Variants in MIB1 observed in about 807,000 individuals in gnomAD.
The protein encoded by MIB1 is E3 ubiquitin-protein ligase MIB1.
MIB1 carries 278 observed loss-of-function variants against 124.5 expected under a neutral mutation model. The ratio of observed to expected loss-of-function variants is 2.23; its 90% CI spans 2.02 to 2.47. The LOEUF is 2.47. Among genes scored for constraint, MIB1 ranks in the 30% most tolerant of loss-of-function variants. MIB1 has a pLI of 0.00. For missense variants in MIB1, 957 were observed against 1,254.4 expected (o/e 0.76, Z 3.58); for synonymous variants, 446 against 429.4 (o/e 1.04, Z -0.48).
At chr18:21,823,605 TAAGAG>T (rs902128354) in intron 12 of MIB1, among the ~76,000 whole-genome samples, 1 of 152,098 alleles carries the variant, frequency 6.6e-6, no homozygotes, top group African/African-American at 2.4e-5. Context: ...TGAAACACAT[TAAGAG>T]AAAAGAGTTA....
intron 10 of MIB1, chr18:21,812,537 T>C (rs1214298350): frequency 5.3e-5 from 8 of 152,028 alleles, no homozygotes; most frequent in Admixed American, 2.0e-4. Context: ...TGAGCATAAA[T>C]TGAGGAGTAA....
chr18:21,779,555 A>T lies in MIB1; in HGVS notation c.778A>T (p.Ile260Phe). 6.2e-7 allele frequency: 1 copy of T among 1,614,086 alleles called. No homozygotes were observed. Among genetic ancestry groups the T allele is most frequent in the Non-Finnish European group, 8.5e-7 (1 of 1,180,000 alleles). Residue 260 changes from isoleucine to phenylalanine, a missense_variant, in exon 6 of 21, where the codon ATT becomes TTT. Coordinates refer to ENST00000261537, the MANE Select transcript of MIB1 (RefSeq NM_020774.4). Reference protein sequence around the residue: ...DLVNIDLDLEIVQSLQHGHGG... With the variant: ...DLVNIDLDLEFVQSLQHGHGG... ...GGTAAATATAGATCTCGACCTCGAA[A>T]TTGTACAGTCTTTGCAGCATGGTCA...
chr18:21,747,303 A>G (rs774957711), intron 1 of MIB1, among the ~76,000 whole-genome samples: 4 of 152,226 alleles, frequency 2.6e-5, no homozygotes, highest in Admixed American at 1.3e-4. Context: ...GAGGACTTCA[A>G]GAAATCAACT....
intron 1 of MIB1, among the ~76,000 whole-genome samples, chr18:21,753,387 C>T (rs991174908): frequency 4.6e-5 from 7 of 152,002 alleles, no homozygotes; most frequent in African/African-American, 1.7e-4. Flanking sequence ...GGGGTTTCAC[C>T]ATGTTGGCCA....
At chr18:21,739,080 T>C (rs1051353440), upstream of MIB1, among the ~76,000 whole-genome samples, 58 of 151,416 alleles carry the variant, frequency 3.8e-4, no homozygotes, top group African/African-American at 1.3e-3. Flanking sequence ...ATCAAATAGA[T>C]GCAATAAAAA....
At position 21,849,200 on chromosome 18, in the gene MIB1, C is replaced by A; in HGVS notation, c.2398C>A (p.Gln800Lys). ...AKCHKEKVSG[Q>K]VGSRSPSMIS... ...TGAAATACTTTCTTTTATTAGTGGT[C>A]AAGTGGGTTCTCGGAGTCCTTCTAT... Residue 800 changes from glutamine to lysine, a missense_variant, in exon 17 of 21, where the codon CAA (glutamine) becomes AAA (lysine). Coordinates refer to ENST00000261537, the MANE Select transcript of MIB1 (RefSeq NM_020774.4). The A allele has an allele frequency of 1.3e-6, 2 of 1,543,916 alleles. No individual in the cohort carries two copies. Among genetic ancestry groups the A allele is most frequent in the South Asian group, 1.3e-5 (1 of 79,450 alleles).
chr18:21,745,241 G>C (rs2040898440), intron 1 of MIB1, among the ~76,000 whole-genome samples: 1 of 152,262 alleles, frequency 6.6e-6, no homozygotes, highest in Admixed American at 6.5e-5. Flanking sequence ...CCTACGGTCT[G>C]TTAAAGTGCG....
intron 10 of MIB1, among the ~76,000 whole-genome samples, chr18:21,806,838 G>A (rs866302153): frequency 1.1e-4 from 17 of 151,188 alleles, no homozygotes; most frequent in Middle Eastern, 3.5e-3. Flanking sequence ...AGCCAGGATG[G>A]TCTCCATCTC....
chr18:21,831,423 G>C (rs1314370620), intron 12 of MIB1: 1 of 152,070 alleles, frequency 6.6e-6, no homozygotes, highest in African/African-American at 2.4e-5. Flanking sequence ...TGGCTAAACT[G>C]TTACAGCTTT....
intron 1 of MIB1, among the ~76,000 whole-genome samples, chr18:21,752,179 T>C (rs1264396835): frequency 6.6e-6 from 1 of 152,220 alleles, no homozygotes; most frequent in Non-Finnish European, 1.5e-5. Context: ...GTTTTATCTT[T>C]TATTCTTTAT....
chr18:21,841,809 C>T (rs747407323), intron 13 of MIB1, among the ~76,000 whole-genome samples: 16 of 151,954 alleles, frequency 1.1e-4, no homozygotes, highest in Admixed American at 2.0e-4. Context: ...ATACTGGAAG[C>T]GAAGCCAAAT....
chr18:21,850,531 C>A (rs2042171507), intron 17 of MIB1, among the ~76,000 whole-genome samples: 1 of 152,116 alleles, frequency 6.6e-6, no homozygotes, highest in African/African-American at 2.4e-5. Context: ...ACCTTCTAAG[C>A]CTGGATGGTT....
intron 1 of MIB1, among the ~76,000 whole-genome samples, chr18:21,743,131 A>G (rs1277397253): frequency 6.6e-6 from 1 of 152,180 alleles, no homozygotes; most frequent in Non-Finnish European, 1.5e-5. Context: ...TGACTAGAAG[A>G]AAATGAAAAG....
At chr18:21,840,994 A>G (rs1480111982) in intron 13 of MIB1, among the ~76,000 whole-genome samples, 1 of 152,160 alleles carries the variant, frequency 6.6e-6, no homozygotes, top group Non-Finnish European at 1.5e-5. Flanking sequence ...AGATACCATT[A>G]AGAAAACAAA....
chr18:21,782,582 G>C (rs1221172570), intron 6 of MIB1, among the ~76,000 whole-genome samples: 1 of 152,022 alleles, frequency 6.6e-6, no homozygotes, highest in African/African-American at 2.4e-5. Context: ...CATTGTTCAG[G>C]ATAATGTTTA....
intron 16 of MIB1, 108 bp downstream of exon 16, chr18:21,847,233 C>A: frequency 1.0e-6 from 1 of 996,330 alleles, no homozygotes; most frequent in South Asian, 1.7e-5. Context: ...TTTGCTCTTC[C>A]TGTATATTTG....
chr18:21,735,259 A>G (rs758142171), intron 1 of MIB1, among the ~76,000 whole-genome samples: 6 of 152,184 alleles, frequency 3.9e-5, no homozygotes, highest in Non-Finnish European at 8.8e-5. Context: ...CAGGAAGCAC[A>G]AGGGGTCAGT....
chr18:21,864,076 T>A (rs919550805), intron 20 of MIB1, among the ~76,000 whole-genome samples: 45 of 152,138 alleles, frequency 3.0e-4, no homozygotes, highest in African/African-American at 1.0e-3. Flanking sequence ...CTTTGGCCTG[T>A]GGGTTTCAGG....
At chr18:21,802,515 G>T (rs1337519679) in intron 9 of MIB1, among the ~76,000 whole-genome samples, 2 of 151,594 alleles carry the variant, frequency 1.3e-5, no homozygotes, top group East Asian at 1.9e-4. Context: ...CATTCCTTTT[G>T]ATAGTATCAT....
Sources: gnomAD v4.1 joint callset for allele counts (sites outside exome capture counted in the v4.1 genomes callset) on GRCh38, gnomAD v4.1.1 for gene constraint, MANE v1.5 for transcripts, NCBI Gene and HGNC (gene_info 2026-07-23, HGNC 2026-07-21) for gene names.